ABCA10: variants seen among roughly 807,000 people sequenced by gnomAD.
ABCA10 encodes ATP binding cassette subfamily A member 10, also known as ATP-binding cassette sub-family A member 10.
In ABCA10, 169 loss-of-function variants were observed where a neutral mutation model predicts 187.5. The ratio of observed to expected loss-of-function variants is 0.90; its 90% confidence interval spans 0.80 to 1.02. The LOEUF is 1.02. Among genes scored for constraint, ABCA10 ranks in the 50% least tolerant of loss-of-function variants. The pLI is 0.00. For synonymous variants in ABCA10, 574 were observed against 601.8 expected, an observed-to-expected ratio of 0.95 and a Z score of 0.68; for missense variants, 1,727 against 1,812.4, an observed-to-expected ratio of 0.95 and a Z score of 0.86.
chr17:69,199,159 A>G (rs1326559666), intron 10 of ABCA10, among the ~76,000 whole-genome samples: 2 of 152,214 alleles, frequency 1.3e-5, no homozygotes, highest in Admixed American at 6.5e-5. Context: ...TTTCTCTTTC[A>G]TAAGACTCAC....
chr17:69,206,729 CCAT>C (rs2074594488), intron 9 of ABCA10, among the ~76,000 whole-genome samples: 1 of 152,038 alleles, frequency 6.6e-6, no homozygotes, highest in Admixed American at 6.6e-5. Flanking sequence ...GGATGAAATG[CCAT>C]CATAAGTTGA....
In ABCA10 at chr17:69,153,305, C is replaced by A; in HGVS notation, c.4136G>T (p.Trp1379Leu). 1 of 1,608,018 alleles carries A rather than the reference C, an allele frequency of 6.2e-7. No homozygotes were observed. Among genetic ancestry groups the A allele is most frequent in the Non-Finnish European group, 8.5e-7 (1 of 1,177,630 alleles). The change falls in exon 34 of 39, where the codon TGG becomes TTG. Residue 1379 changes from tryptophan to leucine, a missense_variant and splice_region_variant. Physicochemically the swap from Trp to Leu is moderately conservative, Grantham distance 61 (BLOSUM62 -2). Coordinates refer to ENST00000690296, the MANE Select transcript of ABCA10 (RefSeq NM_001377321.1). Reference sequence around the variant, plus strand: ...GACACTTAATATTCACTCTCCTTACCACATTTGCTGCTGCCCCTCGGGGTC... The same window carrying A: ...GACACTTAATATTCACTCTCCTTACAACATTTGCTGCTGCCCCTCGGGGTC... ...GMDPEGQQQMWQILQATVKNK... is the reference protein window; with the variant it reads ...GMDPEGQQQMLQILQATVKNK...
At position 69,225,428 on chromosome 17, in the gene ABCA10, G is replaced by A. The variant is rs961761389; in HGVS notation, c.-70C>T. On this transcript the variant is annotated 5_prime_UTR_variant, in exon 3 of 39. Transcript: ENST00000690296. Reference sequence around the variant, plus strand: ...GGCCAGAGTCATTAAACTGATCCACGCTTCCCAGGACTTTAGGAGGTTGTT... The same window carrying A: ...GGCCAGAGTCATTAAACTGATCCACACTTCCCAGGACTTTAGGAGGTTGTT... 1.5e-5 allele frequency: 23 copies of A among 1,541,996 alleles called. No homozygotes were observed. Among genetic ancestry groups the A allele is most frequent in the Middle Eastern group, 3.4e-4 (2 of 5,918 alleles).
At position 69,211,661 on chromosome 17, in the gene ABCA10, G is replaced by A. The variant is rs202200246; in HGVS notation, c.1006+3043C>T. 1.2e-4 allele frequency among the ~76,000 whole-genome samples: 18 copies of A among 151,976 alleles called. No homozygotes were observed. In the East Asian group the frequency reaches 2.9e-3, roughly 25 times the overall value. ...TTTTAATTACCATTTCAATCTCACT[G>A]CTTGTTATTGGTCTGTTCAGGGTTT... On this transcript the variant is annotated intron_variant, in intron 9 of 38. Coordinates refer to ENST00000690296, the MANE Select transcript of ABCA10 (RefSeq NM_001377321.1).
chr17:69,238,078 C>T (rs1236076322), intron 1 of ABCA10, among the ~76,000 whole-genome samples: 3 of 151,652 alleles, frequency 2.0e-5, no homozygotes. Context: ...AAGAGAATCG[C>T]TTGAACCCGG....
intron 3 of ABCA10, chr17:69,223,613 A>G (rs1289469092): frequency 9.8e-6 from 4 of 407,230 alleles, no homozygotes. Flanking sequence ...TGTTTATTTT[A>G]TGCTGTAGCC....
At chr17:69,226,201 A>G (rs528658139) in intron 2 of ABCA10, among the ~76,000 whole-genome samples, 1 of 152,174 alleles carries the variant, frequency 6.6e-6, no homozygotes, top group South Asian at 2.1e-4. Flanking sequence ...TTAGGGAAGA[A>G]GAGGAGACAG....
upstream of ABCA10, among the ~76,000 whole-genome samples, chr17:69,230,008 C>T (rs1029783924): frequency 2.0e-5 from 3 of 152,032 alleles, no homozygotes; most frequent in African/African-American, 7.2e-5. Context: ...AATGAAACAG[C>T]ATTGAGAAGT....
chr17:69,214,514 C>CA lies in ABCA10; in HGVS notation c.1006+189dup, dbSNP rs11347438. 5.6e-3 allele frequency among the ~76,000 whole-genome samples: 771 copies of CA among 136,592 alleles called. 6 individuals are homozygous for CA. Among genetic ancestry groups the CA allele is most frequent in the African/African-American group, 0.014 (533 of 37,322 alleles). 89.6% of individuals were successfully genotyped at this position (136,592 alleles called of 152,430 possible). On this transcript the variant is annotated intron_variant, in intron 9 of 38. Transcript: ENST00000690296. The stretch of plus-strand genomic sequence containing the variant: ...TGGGCGACAGAGCGAGACTCCGTCT[C>CA]AAAAAAAAAAAAAATGATTCAGTTC...
chr17:69,160,731 T>A (rs2074211168), intron 27 of ABCA10, among the ~76,000 whole-genome samples: 1 of 152,076 alleles, frequency 6.6e-6, no homozygotes, highest in Non-Finnish European at 1.5e-5. Context: ...CCACCTCACA[T>A]CCATTAGGAT....
At chr17:69,210,166 A>ATTTT (rs1322948427) in intron 9 of ABCA10, among the ~76,000 whole-genome samples, 3 of 56,226 alleles carry the variant, frequency 5.3e-5, no homozygotes, top group African/African-American at 2.1e-4. Flanking sequence ...TTTAGTGGTT[A>ATTTT]TTTCTTTTTT....
intron 9 of ABCA10, among the ~76,000 whole-genome samples, chr17:69,203,348 T>A (rs571383992): frequency 1.4e-4 from 21 of 152,300 alleles, no homozygotes; most frequent in East Asian, 3.9e-4. Flanking sequence ...ATAGTATTTT[T>A]AAAAACATAT....
At chr17:69,163,989 T>C (rs2074237269) in intron 27 of ABCA10, 85 bp downstream of exon 27, 2 of 1,070,138 alleles carry the variant, frequency 1.9e-6, no homozygotes, top group South Asian at 1.9e-5. Context: ...TTTTAAGACA[T>C]TTAAATTTGG....
At chr17:69,219,869 C>A in intron 5 of ABCA10, 98 bp from the exon 6 acceptor site, 1 of 851,454 alleles carries the variant, frequency 1.2e-6, no homozygotes, top group Non-Finnish European at 1.8e-6. Context: ...TTTACATATT[C>A]TCATCATTTT....
intron 37 of ABCA10, 83 bp from the exon 38 acceptor site, chr17:69,149,171 C>T: frequency 6.8e-7 from 1 of 1,469,564 alleles, no homozygotes; most frequent in Non-Finnish European, 9.5e-7. Context: ...ACAGTAGCTT[C>T]AAATTGTTTA....
intron 9 of ABCA10, among the ~76,000 whole-genome samples, chr17:69,211,336 T>TACACATC (rs1568070321): frequency 9.4e-5 from 11 of 117,514 alleles, no homozygotes; most frequent in African/African-American, 4.1e-4. Context: ...TATATATATA[T>TACACATC]ATATATATAT....
At chr17:69,182,529 T>C in intron 21 of ABCA10, 146 bp downstream of exon 21, 1 of 1,065,580 alleles carries the variant, frequency 9.4e-7, no homozygotes, top group South Asian at 3.1e-5. Context: ...TATTTATATT[T>C]TATGTGACAA....
In ABCA10 at chr17:69,219,726, C is replaced by T. The variant is rs766268259; in HGVS notation, c.349G>A (p.Gly117Arg). 2 of 1,606,634 alleles carry T rather than the reference C, an allele frequency of 1.2e-6. No individual in the cohort carries two copies. Among genetic ancestry groups the T allele is most frequent in the Non-Finnish European group, 1.7e-6 (2 of 1,176,906 alleles). The part of the protein sequence containing the change: ...SVMEELTSVI[G>R]INMKIPPFIS... ...AAAGGTGGTATCTTCATATTTATTC[C>T]AATAACTGATGTCAACTCCTCCATT... is the stretch of plus-strand genomic sequence containing the variant. The change falls in exon 6 of 39, where the codon GGA (glycine) becomes AGA (arginine). Residue 117 changes from glycine (G) to arginine (R), a missense_variant. Physicochemically the swap from Gly to Arg is moderately radical, Grantham distance 125. Transcript: ENST00000690296.
At chr17:69,214,505 A>C (rs1324069785) in intron 9 of ABCA10, among the ~76,000 whole-genome samples, 199 bp downstream of exon 9, 1 of 107,882 alleles carries the variant, frequency 9.3e-6, no homozygotes, top group Non-Finnish European at 2.0e-5. Flanking sequence ...ACAGAGCGAG[A>C]CTCCGTCTCA....
Sources: gnomAD v4.1 joint callset for allele counts (sites outside exome capture counted in the v4.1 genomes callset) on GRCh38, gnomAD v4.1.1 for gene constraint, MANE v1.5 for transcripts, NCBI Gene and HGNC (gene_info 2026-07-23, HGNC 2026-07-21) for gene names.